CALD1: variants seen among roughly 807,000 people sequenced by gnomAD.
The protein encoded by CALD1 is caldesmon 1.
A neutral mutation model predicts 99.9 loss-of-function variants in CALD1; 33 were observed. The observed-to-expected ratio is 0.33, with a 90% CI of 0.25 to 0.44. The LOEUF (loss-of-function observed/expected upper bound fraction) is 0.44, where lower values mean the gene tolerates loss of function less well. CALD1 is among the 20% of genes least tolerant of loss of function. CALD1 has a pLI of 1.00. For missense variants in CALD1, 861 were observed against 962.1 expected, an observed-to-expected ratio of 0.89 and a Z score of 1.39; for synonymous variants, 310 against 325.0, an observed-to-expected ratio of 0.95 and a Z score of 0.50.
chr7:134,776,044 A>T (rs1025074188), upstream of CALD1, among the ~76,000 whole-genome samples: 2 of 152,222 alleles, frequency 1.3e-5, no homozygotes, highest in African/African-American at 2.4e-5. Flanking sequence ...ATATATTTAT[A>T]GATCCTCTCA....
intron 3 of CALD1, among the ~76,000 whole-genome samples, chr7:134,922,351 T>C (rs1804679902): frequency 6.6e-6 from 1 of 152,248 alleles, no homozygotes; most frequent in African/African-American, 2.4e-5. Flanking sequence ...ATAAGAGATC[T>C]TGTCTTGTTA....
At position 134,833,789 on chromosome 7, in the gene CALD1, C is replaced by A. The variant is rs139512861; in HGVS notation, c.-129-10095C>A. On this transcript the variant is annotated intron_variant, in intron 1 of 14. Transcript: ENST00000361675. ...CTCTGAGAGCAGTGACCTTGTCTTT[C>A]TCCATCTCTGCTGTCTCCTTAGCAA... 2.2e-3 allele frequency among the ~76,000 whole-genome samples: 335 copies of A among 152,300 alleles called. 3 individuals are homozygous for A. The highest frequency in any genetic ancestry group is 7.6e-3 in the African/African-American group (317 of 41,562).
At chr7:134,804,150 T>C (rs1165161766) in intron 1 of CALD1, among the ~76,000 whole-genome samples, 2 of 152,262 alleles carry the variant, frequency 1.3e-5, no homozygotes, top group Non-Finnish European at 2.9e-5. Flanking sequence ...AGTACATTCA[T>C]ACAATCTCCC....
chr7:134,775,162 T>A (rs908619141), upstream of CALD1, among the ~76,000 whole-genome samples: 1 of 152,318 alleles, frequency 6.6e-6, no homozygotes, highest in African/African-American at 2.4e-5. Context: ...ACCCTGCCAT[T>A]AATAGAGTGA....
chr7:134,892,252 A>C (rs1029528103), intron 3 of CALD1, among the ~76,000 whole-genome samples: 1 of 152,238 alleles, frequency 6.6e-6, no homozygotes, highest in Non-Finnish European at 1.5e-5. Context: ...GGAGGCCTTT[A>C]GACTCTTTGG....
chr7:134,964,409 C>T (rs914368142), intron 13 of CALD1, among the ~76,000 whole-genome samples: 2 of 152,154 alleles, frequency 1.3e-5, no homozygotes, highest in African/African-American at 4.8e-5. Context: ...ATCCTGGAAG[C>T]CACCAAAGAA....
Position 134,947,556 on chromosome 7 carries a change from C to A in CALD1, c.1581C>A (p.Ala527=). The change falls in exon 8 of 15, where the codon GCC becomes GCA. Residue 527 remains alanine, a synonymous_variant. Transcript: ENST00000361675. Reference sequence around the variant, plus strand: ...TGGACACCAAGGAGGCTGAGGGCGCCCCCCAGGTGGAAGCCGGCAAAAGGC... The same window carrying A: ...TGGACACCAAGGAGGCTGAGGGCGCACCCCAGGTGGAAGCCGGCAAAAGGC... ...ASVDTKEAEG[A]PQVEAGKRLE... is the part of the protein sequence containing the mutation. 1 of 1,563,426 alleles carries A rather than the reference C, an allele frequency of 6.4e-7. No homozygotes were observed. Among genetic ancestry groups the A allele is most frequent in the Non-Finnish European group, 8.7e-7 (1 of 1,153,536 alleles).
At chr7:134,922,171 G>C (rs1320663536) in intron 3 of CALD1, among the ~76,000 whole-genome samples, 2 of 152,096 alleles carry the variant, frequency 1.3e-5, no homozygotes, top group Non-Finnish European at 2.9e-5. Context: ...GAGTAATACT[G>C]TGATTATCAA....
chr7:134,833,440 G>T (rs1350676677), intron 1 of CALD1, among the ~76,000 whole-genome samples: 1 of 152,176 alleles, frequency 6.6e-6, no homozygotes, highest in Non-Finnish European at 1.5e-5. Context: ...ACGTAAGACT[G>T]AAGTTTGATA....
intron 1 of CALD1, among the ~76,000 whole-genome samples, chr7:134,763,963 T>C (rs1230160559): frequency 6.6e-6 from 1 of 151,816 alleles, no homozygotes; most frequent in African/African-American, 2.4e-5. Context: ...ACTTAGCTAA[T>C]TGGCATTCTA....
chr7:134,930,728 T>C (rs55971221), intron 4 of CALD1, among the ~76,000 whole-genome samples: 4,892 of 152,240 alleles, frequency 0.032, 258 homozygotes, highest in African/African-American at 0.11. Flanking sequence ...AAATAAAAAT[T>C]ATACCTTTCT....
chr7:134,897,743 G>A (rs1439437967), intron 3 of CALD1, among the ~76,000 whole-genome samples: 4 of 151,956 alleles, frequency 2.6e-5, no homozygotes, highest in African/African-American at 9.7e-5. Context: ...AAGGTCTCTG[G>A]TCACTCAGTC....
Position 134,896,387 on chromosome 7 carries a change from G to A in CALD1, c.71+28583G>A, listed in dbSNP as rs569877500. ...TTTGGTTCAAAGAAAGGTTTCAAAT[G>A]ATCTGGACCCTTTATCTGGTTATGG... On this transcript the variant is annotated intron_variant, in intron 3 of 14. Coordinates refer to ENST00000361675, the MANE Select transcript of CALD1 (RefSeq NM_033138.4). Among the ~76,000 whole-genome samples, 351 of 152,306 alleles carry A rather than the reference G, an allele frequency of 2.3e-3. 2 individuals carry two copies. The highest frequency in any genetic ancestry group is 4.6e-3 in the South Asian group (22 of 4,830).
intron 1 of CALD1, among the ~76,000 whole-genome samples, chr7:134,831,328 CT>C (rs1041277545): frequency 2.0e-5 from 3 of 151,002 alleles, no homozygotes; most frequent in Non-Finnish European, 4.4e-5. Flanking sequence ...TAATTTCTTT[CT>C]TTTTTTTTGA....
At chr7:134,849,708 A>G (rs1450488522) in intron 2 of CALD1, among the ~76,000 whole-genome samples, 1 of 152,168 alleles carries the variant, frequency 6.6e-6, no homozygotes, top group East Asian at 1.9e-4. Flanking sequence ...TAAAAGCAAA[A>G]TAAGGGTGCT....
chr7:134,756,726 G>A (rs780365084), intron 1 of CALD1, among the ~76,000 whole-genome samples: 2 of 152,024 alleles, frequency 1.3e-5, no homozygotes, highest in South Asian at 2.1e-4. Flanking sequence ...ATATTATTAT[G>A]ACTTGAAACT....
chr7:134,858,345 C>G (rs144363291), intron 2 of CALD1, among the ~76,000 whole-genome samples: 1 of 152,062 alleles, frequency 6.6e-6, no homozygotes, highest in African/African-American at 2.4e-5. Context: ...CTAGATTGCC[C>G]CCATCCAAAA....
At chr7:134,961,892 A>G (rs1808291436) in intron 13 of CALD1, 1 of 152,132 alleles carries the variant, frequency 6.6e-6, no homozygotes, top group Non-Finnish European at 1.5e-5. Context: ...AAACAAAATA[A>G]TCACTGGTTC....
intron 1 of CALD1, among the ~76,000 whole-genome samples, chr7:134,761,020 GATAGTCAGGCTTAA>G (rs991635246): frequency 6.6e-6 from 1 of 152,158 alleles, no homozygotes; most frequent in Non-Finnish European, 1.5e-5. Flanking sequence ...CAGGTCTGGG[GATAGTCAGGCTTAA>G]CAGCGAACGG....
Sources: allele counts gnomAD v4.1 joint callset (sites outside exome capture counted in the v4.1 genomes callset), GRCh38; gene constraint gnomAD v4.1.1; transcripts MANE v1.5; gene names NCBI Gene and HGNC (gene_info 2026-07-23, HGNC 2026-07-21).